The following CIB4 variants were observed in gnomAD, a reference collection of about 807,000 sequenced individuals.
CIB4 encodes calcium and integrin-binding family member 4.
A neutral mutation model predicts 25.8 loss-of-function variants in CIB4; 25 were observed. That is an observed-to-expected ratio of 0.97 (90% CI 0.71 to 1.35). CIB4 has a LOEUF of 1.35. Among genes scored for constraint, CIB4 ranks in the 40% most tolerant of loss-of-function variants. The pLI, the probability that CIB4 is intolerant of heterozygous loss-of-function variation, is 0.00. For synonymous variants in CIB4, 75 were observed against 81.4 expected (o/e 0.92, Z 0.42); for missense variants, 235 against 228.2 (o/e 1.03, Z -0.19).
intron 2 of CIB4, 133 bp from the exon 3 acceptor site, chr2:26,629,639 G>T (rs1373711264): frequency 4.6e-6 from 3 of 651,518 alleles, no homozygotes; most frequent in Non-Finnish European, 8.3e-6. Context: ...GAGACTTGGG[G>T]TTGGCTGACA....
chr2:26,636,556 C>T (rs1162276542), intron 2 of CIB4, among the ~76,000 whole-genome samples: 1 of 152,174 alleles, frequency 6.6e-6, no homozygotes, highest in African/African-American at 2.4e-5. Context: ...CCTTCACTAT[C>T]TTCCTTGTAA....
intron 1 of CIB4, 35 bp from the exon 2 acceptor site, chr2:26,640,602 C>G: frequency 6.2e-7 from 1 of 1,603,990 alleles, no homozygotes; most frequent in Non-Finnish European, 8.5e-7. Context: ...CGTGTCCACT[C>G]CATTCATCCC....
chr2:26,640,511 GA>G (rs755514511), intron 2 of CIB4, 21 bp downstream of exon 2: 3 of 1,612,134 alleles, frequency 1.9e-6, no homozygotes, highest in Non-Finnish European at 2.5e-6. Context: ...GAGAAGGAAA[GA>G]GGGGCGGGGC....
At chr2:26,594,492 G>A (rs1003216362) in intron 4 of CIB4, among the ~76,000 whole-genome samples, 1 of 152,204 alleles carries the variant, frequency 6.6e-6, no homozygotes, top group Non-Finnish European at 1.5e-5. Flanking sequence ...CGTGAGATGC[G>A]AATGAGCAAG....
rs180749928 is a variant in CIB4 at position 26,593,419 on chromosome 2, C to T, written c.328+1757G>A. 2.1e-4 allele frequency among the ~76,000 whole-genome samples: 32 copies of T among 152,036 alleles called. 1 individual carries two copies. The highest frequency in any genetic ancestry group is 1.9e-3 in the Admixed American group (29 of 15,276). ...ATATATACACACACATATATACACA[C>T]ACATATATATACACACTATATATAC... On this transcript the variant is annotated intron_variant, in intron 4 of 6. Coordinates refer to ENST00000288861, the MANE Select transcript of CIB4 (RefSeq NM_001029881.3).
intron 4 of CIB4, among the ~76,000 whole-genome samples, chr2:26,585,368 C>G (rs1668431743): frequency 2.6e-5 from 4 of 151,742 alleles, no homozygotes; most frequent in Non-Finnish European, 5.9e-5. Flanking sequence ...GCGGGGAGGG[C>G]CTGGGTGGAG....
At chr2:26,608,401 T>A (rs557864628) in intron 3 of CIB4, among the ~76,000 whole-genome samples, 1 of 152,226 alleles carries the variant, frequency 6.6e-6, no homozygotes, top group Non-Finnish European at 1.5e-5. Flanking sequence ...CACAGGGAAT[T>A]TGAAACAAAA....
chr2:26,592,391 G>A (rs1572543371), intron 4 of CIB4, among the ~76,000 whole-genome samples: 1 of 152,224 alleles, frequency 6.6e-6, no homozygotes, highest in East Asian at 1.9e-4. Flanking sequence ...AAGGAAGGGG[G>A]AACGCTGGTG....
intron 2 of CIB4, among the ~76,000 whole-genome samples, chr2:26,630,607 C>T (rs977591740): frequency 3.9e-5 from 6 of 152,010 alleles, no homozygotes; most frequent in Admixed American, 2.6e-4. Flanking sequence ...TCTCTAGAGC[C>T]GGACAGATCT....
intron 3 of CIB4, among the ~76,000 whole-genome samples, chr2:26,609,343 C>T (rs997377422): frequency 6.6e-6 from 1 of 152,028 alleles, no homozygotes. Context: ...GATGCAAATG[C>T]TACAAGCCAG....
chr2:26,582,778 C>G (rs753916098), intron 6 of CIB4, 47 bp downstream of exon 6: 2 of 1,221,960 alleles, frequency 1.6e-6, no homozygotes, highest in Admixed American at 1.7e-5. Context: ...GCCCTTCCTG[C>G]CCCCACCACT....
At chr2:26,599,940 G>A (rs1197578716) in intron 3 of CIB4, among the ~76,000 whole-genome samples, 1 of 147,160 alleles carries the variant, frequency 6.8e-6, no homozygotes, top group Non-Finnish European at 1.5e-5. Context: ...GGACATGGTG[G>A]CGTGCACCTG....
At chr2:26,634,879 A>G (rs1301402699) in intron 2 of CIB4, among the ~76,000 whole-genome samples, 1 of 152,232 alleles carries the variant, frequency 6.6e-6, no homozygotes, top group African/African-American at 2.4e-5. Flanking sequence ...AGAGAGTGTC[A>G]GGAACCATCC....
At chr2:26,601,426 C>A (rs564463409) in intron 3 of CIB4, among the ~76,000 whole-genome samples, 1 of 151,862 alleles carries the variant, frequency 6.6e-6, no homozygotes, top group African/African-American at 2.4e-5. Context: ...GGGGAAGGGA[C>A]AGTCTTTTCC....
chr2:26,601,231 A>AAAAAAATATATATATAT (rs1395827334), intron 3 of CIB4, among the ~76,000 whole-genome samples: 1 of 17,238 alleles, frequency 5.8e-5, no homozygotes, highest in Admixed American at 8.7e-4. Context: ...AAAAAAAAAA[A>AAAAAAATATATATATAT]ATATATATAT....
At chr2:26,640,678 A>G (rs1023752147) in intron 1 of CIB4, 111 bp from the exon 2 acceptor site, 1 of 1,190,788 alleles carries the variant, frequency 8.4e-7, no homozygotes, top group Non-Finnish European at 1.2e-6. Flanking sequence ...CTTTTGCTGC[A>G]CAGCTGGGGG....
rs1558550458 is a variant in CIB4, at chr2:26,581,238, A to G, written c.*125T>C. 2.7e-6 allele frequency: 2 copies of G among 748,248 alleles called. No individual in the cohort carries two copies. The highest frequency in any genetic ancestry group is 4.7e-6 in the Non-Finnish European group (2 of 428,466). 46.4% of individuals were successfully genotyped at this position (748,248 alleles called of 1,614,324 possible). ...AGCTTTTTCTTTTATCTAATAAACA[A>G]TATTCTAGAGGTGAGTGTGGGCCCA... On this transcript the variant is annotated 3_prime_UTR_variant, in exon 7 of 7. Coordinates refer to ENST00000288861, the MANE Select transcript of CIB4 (RefSeq NM_001029881.3).
chr2:26,605,383 A>T (rs1668869045), intron 3 of CIB4: 1 of 379,314 alleles, frequency 2.6e-6, no homozygotes, highest in Non-Finnish European at 5.5e-6. Flanking sequence ...TGGATGGTGG[A>T]ACCCATTCCA....
At chr2:26,633,463 A>C (rs1420611345) in intron 2 of CIB4, among the ~76,000 whole-genome samples, 1 of 151,966 alleles carries the variant, frequency 6.6e-6, no homozygotes, top group Non-Finnish European at 1.5e-5. Flanking sequence ...GCCCACCCCT[A>C]AAGGGCCCAC....
Sources: gnomAD v4.1 joint callset for allele counts (sites outside exome capture counted in the v4.1 genomes callset) on GRCh38, gnomAD v4.1.1 for gene constraint, MANE v1.5 for transcripts, NCBI Gene and HGNC (gene_info 2026-07-23, HGNC 2026-07-21) for gene names.